Variants in SEC24D observed in about 807,000 individuals in gnomAD.
SEC24D encodes the protein SEC24 homolog D, COPII component.
Under a neutral mutation model 116.9 loss-of-function variants are expected in SEC24D, and 69 were observed. The observed-to-expected ratio is 0.59, with a 90% CI of 0.49 to 0.72. The LOEUF (loss-of-function observed/expected upper bound fraction) is 0.72, where lower values mean the gene tolerates loss of function less well. Among genes scored for constraint, SEC24D ranks in the 30% least tolerant of loss-of-function variants. SEC24D has a pLI of 0.00. For missense variants in SEC24D, 1,131 were observed against 1,264.1 expected (o/e 0.89, Z 1.60); for synonymous variants, 405 against 442.8 (o/e 0.91, Z 1.07).
At chr4:118,786,309 T>C (rs1320515612) in intron 8 of SEC24D, among the ~76,000 whole-genome samples, 2 of 152,228 alleles carry the variant, frequency 1.3e-5, no homozygotes, top group Non-Finnish European at 2.9e-5. Context: ...TACATTTTTC[T>C]CTTTCTTCTT....
At chr4:118,835,778 A>G (rs1731070673) in intron 1 of SEC24D, among the ~76,000 whole-genome samples, 163 bp downstream of exon 1, 1 of 152,164 alleles carries the variant, frequency 6.6e-6, no homozygotes, top group African/African-American at 2.4e-5. Context: ...ATTAAACTGC[A>G]CTAGAAGGCT....
chr4:118,739,034 G>T, intron 18 of SEC24D, 115 bp downstream of exon 18: 2 of 935,702 alleles, frequency 2.1e-6, no homozygotes, highest in South Asian at 1.4e-5. Flanking sequence ...GCTTTTATTA[G>T]TTCTGAATTT....
chr4:118,824,631 G>T lies in SEC24D; in HGVS notation c.237C>A (p.His79Gln). ...TCTACCTAGCTCACCTTTGGGGAGG[G>T]TGACCAGTGGCATGAGCTCCATTCT... Reference protein sequence around the residue: ...FGQNGAHATGHPPQRFPGPPP... With the variant: ...FGQNGAHATGQPPQRFPGPPP... Residue 79 changes from histidine (H) to glutamine (Q), a missense_variant, in exon 3 of 23, where the codon CAC becomes CAA. Physicochemically the swap from His to Gln is conservative, Grantham distance 24. Coordinates refer to ENST00000280551, the MANE Select transcript of SEC24D (RefSeq NM_014822.4). 1 of 1,600,356 alleles carries T rather than the reference G, an allele frequency of 6.2e-7. No individual in the cohort carries two copies. Among genetic ancestry groups the T allele is most frequent in the Non-Finnish European group, 8.5e-7 (1 of 1,175,870 alleles).
At chr4:118,805,051 C>T (rs1729617705) in intron 7 of SEC24D, among the ~76,000 whole-genome samples, 1 of 151,816 alleles carries the variant, frequency 6.6e-6, no homozygotes, top group South Asian at 2.1e-4. Context: ...GGACAAAGCT[C>T]ACTTGGGCAG....
At chr4:118,749,926 A>T (rs1052427687) in intron 13 of SEC24D, among the ~76,000 whole-genome samples, 1 of 152,244 alleles carries the variant, frequency 6.6e-6, no homozygotes, top group Non-Finnish European at 1.5e-5. Flanking sequence ...TTTTATAAAG[A>T]TAGTTCATTC....
intron 22 of SEC24D, among the ~76,000 whole-genome samples, chr4:118,726,247 C>T (rs1016625200): frequency 5.9e-5 from 9 of 152,134 alleles, no homozygotes; most frequent in Non-Finnish European, 1.2e-4. Flanking sequence ...ATACAACCCT[C>T]GGGGAATACC....
intron 8 of SEC24D, among the ~76,000 whole-genome samples, chr4:118,788,799 T>A (rs1012737159): frequency 2.0e-5 from 3 of 152,162 alleles, no homozygotes; most frequent in African/African-American, 7.2e-5. Context: ...ACAACTAAGA[T>A]TCACTGTGCT....
intron 22 of SEC24D, among the ~76,000 whole-genome samples, chr4:118,725,877 T>A (rs144711193): frequency 1.7e-3 from 255 of 152,182 alleles, no homozygotes; most frequent in African/African-American, 5.7e-3. Context: ...GTGATGGTCG[T>A]CTCTTCAAGG....
chr4:118,744,871 A>G (rs1450800711), intron 14 of SEC24D, 73 bp downstream of exon 14: 25 of 796,804 alleles, frequency 3.1e-5, no homozygotes, highest in Non-Finnish European at 4.7e-5. Flanking sequence ...CTTTTTTCTT[A>G]CATGAAGAAC....
At chr4:118,748,197 T>TG (rs1438596426) in intron 13 of SEC24D, among the ~76,000 whole-genome samples, 2 of 150,482 alleles carry the variant, frequency 1.3e-5, no homozygotes, top group Non-Finnish European at 3.0e-5. Flanking sequence ...ACCTAGGAGG[T>TG]GGAGGTTGCA....
At chr4:118,774,767 C>T (rs1420341478) in intron 8 of SEC24D, among the ~76,000 whole-genome samples, 1 of 152,092 alleles carries the variant, frequency 6.6e-6, no homozygotes, top group Non-Finnish European at 1.5e-5. Flanking sequence ...TAGGAGCTGC[C>T]ATATACCTTT....
chr4:118,728,627 G>C lies in SEC24D; in HGVS notation c.2892C>G (p.Asn964Lys). The change falls in exon 22 of 23, where the codon AAC becomes AAG. Residue 964 changes from asparagine to lysine, a missense_variant. Physicochemically the swap from Asn to Lys is moderately conservative, Grantham distance 94 (BLOSUM62 0). Coordinates refer to ENST00000280551, the MANE Select transcript of SEC24D (RefSeq NM_014822.4). Reference protein sequence around the residue: ...TDMTLLPEVGNPYSQQLRMIM... With the variant: ...TDMTLLPEVGKPYSQQLRMIM... ...TCATTCTGAGTTGTTGAGAGTATGGGTTTCCCACTTCAGGCAGCAATGTCT... is the reference window on the plus strand; with the variant it reads ...TCATTCTGAGTTGTTGAGAGTATGGCTTTCCCACTTCAGGCAGCAATGTCT... The C allele has an allele frequency of 1.2e-6, 2 of 1,609,352 alleles. No homozygotes were observed. Among genetic ancestry groups the C allele is most frequent in the Non-Finnish European group, 1.7e-6 (2 of 1,176,514 alleles).
chr4:118,801,656 C>T (rs1027880308), intron 7 of SEC24D, among the ~76,000 whole-genome samples: 1 of 151,936 alleles, frequency 6.6e-6, no homozygotes, highest in African/African-American at 2.4e-5. Flanking sequence ...GTTAAAATTA[C>T]CAATAAAATA....
chr4:118,816,439 G>A (rs1270488526), intron 4 of SEC24D, among the ~76,000 whole-genome samples: 2 of 152,210 alleles, frequency 1.3e-5, no homozygotes, highest in East Asian at 3.9e-4. Context: ...TGCATCCTGT[G>A]CGTGACTTGA....
chr4:118,744,595 G>A (rs1301445485), intron 14 of SEC24D, among the ~76,000 whole-genome samples: 2 of 152,164 alleles, frequency 1.3e-5, no homozygotes, highest in Non-Finnish European at 2.9e-5. Context: ...CCACACCTGT[G>A]CTTCATGCCT....
chr4:118,785,532 A>G (rs1728630937), intron 8 of SEC24D, among the ~76,000 whole-genome samples: 1 of 152,192 alleles, frequency 6.6e-6, no homozygotes, highest in Non-Finnish European at 1.5e-5. Context: ...GAAGTGACTA[A>G]AAGGACAGAA....
intron 6 of SEC24D, among the ~76,000 whole-genome samples, chr4:118,808,418 T>C (rs957045357): frequency 2.0e-5 from 3 of 152,232 alleles, no homozygotes; most frequent in African/African-American, 7.2e-5. Flanking sequence ...CCAAAAAGTT[T>C]ATTTTTAAAT....
At chr4:118,813,086 G>C (rs746095141) in intron 6 of SEC24D, among the ~76,000 whole-genome samples, 1 of 152,188 alleles carries the variant, frequency 6.6e-6, no homozygotes, top group Non-Finnish European at 1.5e-5. Context: ...TTAAGTTAAG[G>C]ATCTTCAGAG....
At chr4:118,833,427 T>G in intron 2 of SEC24D, 152 bp downstream of exon 2, 1 of 607,232 alleles carries the variant, frequency 1.6e-6, no homozygotes, top group Admixed American at 3.0e-5. Context: ...AGAGTTCTGC[T>G]ATGAGAGCCT....
Sources: allele counts gnomAD v4.1 joint callset (sites outside exome capture counted in the v4.1 genomes callset), GRCh38; gene constraint gnomAD v4.1.1; transcripts MANE v1.5; gene names NCBI Gene and HGNC (gene_info 2026-07-23, HGNC 2026-07-21).